The following ABCG2 variants were observed in gnomAD, a reference collection of about 807,000 sequenced individuals.
The protein encoded by ABCG2 is ATP binding cassette subfamily G member 2 (JR blood group).
In ABCG2, 80 loss-of-function variants were observed where a neutral mutation model predicts 73.5. The ratio of observed to expected loss-of-function variants is 1.09; its 90% CI spans 0.91 to 1.31. ABCG2 has a LOEUF of 1.31. Ranked by LOEUF, ABCG2 falls within the 50% of genes most tolerant of loss-of-function variation. ABCG2 has a pLI of 0.00. For missense variants in ABCG2, 796 were observed against 786.2 expected (o/e 1.01, Z -0.15); for synonymous variants, 269 against 282.4 (o/e 0.95, Z 0.48).
chr4:88,230,324 C>CATAT (rs36080532), intron 1 of ABCG2, among the ~76,000 whole-genome samples: 1 of 123,456 alleles, frequency 8.1e-6, no homozygotes, highest in African/African-American at 3.3e-5. Context: ...TTTTTGGCCA[C>CATAT]ATATATATAT....
intron 15 of ABCG2, among the ~76,000 whole-genome samples, chr4:88,093,207 A>C (rs1389573088): frequency 6.6e-6 from 1 of 152,176 alleles, no homozygotes; most frequent in Non-Finnish European, 1.5e-5. Flanking sequence ...CTTTTACTAT[A>C]AGAATAGCTT....
At position 88,090,566 on chromosome 4, in the gene ABCG2, T is replaced by C. The variant is rs575820405; in HGVS notation, c.*1668A>G. On this transcript the variant is annotated 3_prime_UTR_variant, in exon 16 of 16. Transcript: ENST00000237612. ...GTTCAAAGATAAAAATATAATGCCA[T>C]GTTCCCAAATTGATGTTGTGACAGA... The C allele has an allele frequency of 3.2e-4, 49 of 152,340 alleles. No homozygotes were observed. Among genetic ancestry groups the C allele is most frequent in the African/African-American group, 8.7e-4 (36 of 41,574 alleles). The allele number at this position is 152,340 out of a possible 1,614,324, so 9.4% of individuals were successfully genotyped here. A position where few individuals can be genotyped will look rare whatever the true frequency, so the allele number is the denominator to read the frequency against.
intron 1 of ABCG2, among the ~76,000 whole-genome samples, chr4:88,156,024 G>GA (rs1283240300): frequency 1.3e-5 from 2 of 152,068 alleles, no homozygotes; most frequent in African/African-American, 4.8e-5. Context: ...TTGGGACATG[G>GA]AAAATACAAA....
At position 88,121,499 on chromosome 4, in the gene ABCG2, A is replaced by G; in HGVS notation, c.689+136T>C. 3 of 872,754 alleles carry G rather than the reference A, an allele frequency of 3.4e-6. No homozygotes were observed. In the South Asian group the frequency reaches 5.7e-5, roughly 17 times the overall value. 54.1% of individuals were successfully genotyped at this position (872,754 alleles called of 1,614,324 possible). A position where few individuals can be genotyped will look rare whatever the true frequency, so the allele number is the denominator to read the frequency against. On this transcript the variant is annotated intron_variant, in intron 6 of 15. Transcript: ENST00000237612. ...TTTGTTTTTCTTGATAATGCTTTTC[A>G]TTTGTTAACTGACTTTCACTCCAAC...
Position 88,180,604 on chromosome 4 carries a change from T to A in ABCG2, c.-19-40590A>T, listed in dbSNP as rs371515041. ...AATTTTAAATTTTTAAATTTTTTTA[T>A]GGAAATGGTGGTGTGCACCTGTAGT... is the stretch of plus-strand genomic sequence containing the variant. On this transcript the variant is annotated intron_variant, in intron 1 of 15. Coordinates refer to the ABCG2 transcript ENST00000515655. Among the ~76,000 whole-genome samples the A allele has an allele frequency of 2.0e-3, 297 of 152,162 alleles. 2 individuals carry two copies. The highest frequency in any genetic ancestry group is 7.0e-3 in the African/African-American group (291 of 41,524).
intron 1 of ABCG2, among the ~76,000 whole-genome samples, chr4:88,194,402 T>C (rs904031055): frequency 2.6e-5 from 4 of 151,570 alleles, no homozygotes; most frequent in African/African-American, 9.7e-5. Flanking sequence ...TACAAAAAAT[T>C]AGCAGGGCAT....
intron 1 of ABCG2, among the ~76,000 whole-genome samples, chr4:88,189,952 G>A (rs79496099): frequency 0.041 from 6,289 of 152,164 alleles, 194 homozygotes; most frequent in South Asian, 0.072. Flanking sequence ...ACAGTACATT[G>A]TTAATGAACA....
At chr4:88,106,601 G>A (rs889137370) in intron 10 of ABCG2, among the ~76,000 whole-genome samples, 1 of 152,202 alleles carries the variant, frequency 6.6e-6, no homozygotes, top group Non-Finnish European at 1.5e-5. Context: ...GCTGCCAGGG[G>A]TTAGGAGAGG....
At chr4:88,178,973 T>C (rs1171813500) in intron 1 of ABCG2, among the ~76,000 whole-genome samples, 1 of 152,194 alleles carries the variant, frequency 6.6e-6, no homozygotes, top group Non-Finnish European at 1.5e-5. Context: ...GAGAACTTGC[T>C]GCCCTGAAGG....
At chr4:88,126,561 T>C (rs533985701) in intron 5 of ABCG2, among the ~76,000 whole-genome samples, 1 of 152,280 alleles carries the variant, frequency 6.6e-6, no homozygotes, top group African/African-American at 2.4e-5. Context: ...CAGCAGCATA[T>C]CAAAAACCTT....
At chr4:88,113,759 G>A (rs1013717986) in intron 8 of ABCG2, among the ~76,000 whole-genome samples, 15 of 151,578 alleles carry the variant, frequency 9.9e-5, no homozygotes, top group African/African-American at 3.2e-4. Flanking sequence ...TCAGGAGTTC[G>A]AGACCAGCCT....
rs561427912 is a variant in ABCG2 at position 88,094,435 on chromosome 4, A to C, written c.1820+142T>G. ...CACATGTTCACATGCATTCGCGCAC[A>C]ACTCACTTTATGGATGAGAAAACGT... On this transcript the variant is annotated intron_variant, in intron 15 of 15. Coordinates refer to ENST00000237612, the MANE Select transcript of ABCG2 (RefSeq NM_004827.3). 39 of 648,200 alleles carry C rather than the reference A, an allele frequency of 6.0e-5. No homozygotes were observed. In the East Asian group the frequency reaches 1.1e-3, roughly 18 times the overall value. The allele number at this position is 648,200 out of a possible 1,614,324, so 40.2% of individuals were successfully genotyped here.
At chr4:88,142,886 T>C (rs1725736979) in intron 1 of ABCG2, among the ~76,000 whole-genome samples, 1 of 152,102 alleles carries the variant, frequency 6.6e-6, no homozygotes, top group Non-Finnish European at 1.5e-5. Context: ...AGGCAGAGAT[T>C]GCAGTGAGCC....
chr4:88,151,755 AATT>A (rs1253024645), intron 1 of ABCG2, among the ~76,000 whole-genome samples: 2 of 151,692 alleles, frequency 1.3e-5, no homozygotes, highest in Non-Finnish European at 2.9e-5. Context: ...AAAAAAAAAG[AATT>A]ATTAACAGAA....
At chr4:88,187,213 G>T (rs1457393433) in intron 1 of ABCG2, among the ~76,000 whole-genome samples, 1 of 150,970 alleles carries the variant, frequency 6.6e-6, no homozygotes, top group Non-Finnish European at 1.5e-5. Context: ...GAATGAATAA[G>T]ATCTAGTATT....
chr4:88,197,609 C>G (rs1578271618), intron 1 of ABCG2, among the ~76,000 whole-genome samples: 1 of 150,550 alleles, frequency 6.6e-6, no homozygotes, highest in African/African-American at 2.4e-5. Flanking sequence ...AAAGTAAGAC[C>G]CTGTCTCAAA....
At chr4:88,170,812 G>A (rs188288239) in intron 1 of ABCG2, among the ~76,000 whole-genome samples, 14 of 152,232 alleles carry the variant, frequency 9.2e-5, no homozygotes, top group Admixed American at 5.9e-4. Flanking sequence ...TAAACCTAAC[G>A]TTTTAGAAAG....
At chr4:88,171,144 T>G (rs572076841) in intron 1 of ABCG2, among the ~76,000 whole-genome samples, 1 of 151,788 alleles carries the variant, frequency 6.6e-6, no homozygotes, top group South Asian at 2.1e-4. Context: ...GAGGGAGAGA[T>G]GCAGAAAAAA....
At chr4:88,160,848 CAAAAAAAAA>C (rs765758097), upstream of ABCG2, among the ~76,000 whole-genome samples, 2 of 37,460 alleles carry the variant, frequency 5.3e-5, no homozygotes, top group Non-Finnish European at 1.0e-4. Context: ...GACTCCATCT[CAAAAAAAAA>C]AAAAAAAAAA....
Sources: gnomAD v4.1 joint callset for allele counts (sites outside exome capture counted in the v4.1 genomes callset) on GRCh38, gnomAD v4.1.1 for gene constraint, MANE v1.5 for transcripts, NCBI Gene and HGNC (gene_info 2026-07-23, HGNC 2026-07-21) for gene names.